KIZ: variants seen among roughly 807,000 people sequenced by gnomAD.
KIZ encodes kizuna centrosomal protein.
In KIZ, 68 loss-of-function variants were observed where a neutral mutation model predicts 79.6. The observed-to-expected ratio is 0.85, with a 90% CI of 0.70 to 1.05. The LOEUF (loss-of-function observed/expected upper bound fraction) is 1.05. Ranked by LOEUF, KIZ falls within the 50% of genes least tolerant of loss-of-function variation. The pLI is 0.00. For missense variants in KIZ, 797 were observed against 800.4 expected (o/e 1.00, Z 0.05); for synonymous variants, 280 against 281.8 (o/e 0.99, Z 0.06).
intron 1 of KIZ, among the ~76,000 whole-genome samples, chr20:21,128,815 G>A (rs1362848390): frequency 6.6e-6 from 1 of 152,172 alleles, no homozygotes; most frequent in African/African-American, 2.4e-5. Context: ...TTGATTCAGA[G>A]TAAGATATCA....
At chr20:21,134,660 G>GT (rs537989513) in intron 2 of KIZ, among the ~76,000 whole-genome samples, 1,694 of 130,468 alleles carry the variant, frequency 0.013, 13 homozygotes, top group African/African-American at 0.029. Context: ...CATCTTTCAG[G>GT]TTTTTTTTTT....
At chr20:21,190,382 G>A (rs761520995) in intron 6 of KIZ, among the ~76,000 whole-genome samples, 1 of 152,182 alleles carries the variant, frequency 6.6e-6, no homozygotes, top group African/African-American at 2.4e-5. Context: ...AAGGATTAGC[G>A]CTAGCCAATT....
chr20:21,144,401 T>A (rs1387685535), intron 3 of KIZ, among the ~76,000 whole-genome samples: 2 of 152,340 alleles, frequency 1.3e-5, no homozygotes, highest in Middle Eastern at 6.8e-3. Flanking sequence ...CTCTTGGGGC[T>A]AAAATGTAAA....
intron 12 of KIZ, 62 bp downstream of exon 12, chr20:21,244,350 A>T (rs1458209539): frequency 8.2e-7 from 1 of 1,212,482 alleles, no homozygotes; most frequent in Non-Finnish European, 1.2e-6. Context: ...ACTCTGTGAC[A>T]TGCATTTGTT....
At chr20:21,130,514 A>G (rs2031775435) in intron 1 of KIZ, among the ~76,000 whole-genome samples, 1 of 152,232 alleles carries the variant, frequency 6.6e-6, no homozygotes, top group Admixed American at 6.5e-5. Context: ...CTAATGTGGA[A>G]GCAATTATGC....
intron 1 of KIZ, among the ~76,000 whole-genome samples, chr20:21,131,569 A>C (rs969826648): frequency 3.3e-5 from 5 of 152,208 alleles, no homozygotes; most frequent in African/African-American, 1.2e-4. Context: ...GGACCCCATC[A>C]CCGAAATGCC....
intron 11 of KIZ, among the ~76,000 whole-genome samples, chr20:21,241,996 A>G (rs2037234914): frequency 1.3e-5 from 2 of 152,194 alleles, no homozygotes; most frequent in South Asian, 4.1e-4. Context: ...TATTGATCAA[A>G]TGCCTTTAAG....
chr20:21,129,819 C>T (rs62218926), intron 1 of KIZ, among the ~76,000 whole-genome samples: 7,681 of 152,168 alleles, frequency 0.05, 300 homozygotes, highest in Non-Finnish European at 0.074. Context: ...ACAAAGACCT[C>T]CAGTGTTCCT....
At chr20:21,236,471 A>T (rs1460357575) in intron 11 of KIZ, among the ~76,000 whole-genome samples, 1 of 152,216 alleles carries the variant, frequency 6.6e-6, no homozygotes, top group African/African-American at 2.4e-5. Flanking sequence ...GAGTCTAAAG[A>T]CTATGTCTTA....
intron 8 of KIZ, 47 bp downstream of exon 8, chr20:21,214,747 TC>T: frequency 7.9e-7 from 1 of 1,261,752 alleles, no homozygotes; most frequent in Non-Finnish European, 1.2e-6. Context: ...GCATTCAGGG[TC>T]ATCATCATCT....
intron 11 of KIZ, among the ~76,000 whole-genome samples, chr20:21,240,799 G>A (rs1176476222): frequency 9.2e-5 from 14 of 152,256 alleles, no homozygotes; most frequent in Admixed American, 9.2e-4. Context: ...AAAGGTATAT[G>A]AAATTCAAAT....
chr20:21,162,586 T>C, intron 5 of KIZ, 79 bp downstream of exon 5: 1 of 1,069,786 alleles, frequency 9.3e-7, no homozygotes, highest in Non-Finnish European at 1.3e-6. Context: ...ATACTAATTA[T>C]CTCTCTTTCA....
intron 4 of KIZ, among the ~76,000 whole-genome samples, chr20:21,146,026 AC>A (rs2032827575): frequency 6.6e-6 from 1 of 152,244 alleles, no homozygotes; most frequent in Non-Finnish European, 1.5e-5. Flanking sequence ...ATAATTTTGT[AC>A]ATTTTAACCT....
chr20:21,231,304 A>G (rs1267972727), intron 10 of KIZ, among the ~76,000 whole-genome samples: 4 of 152,206 alleles, frequency 2.6e-5, no homozygotes, highest in African/African-American at 9.6e-5. Context: ...AGCCTGGGTG[A>G]CAGGGCCAGA....
chr20:21,227,359 C>T (rs564401735), intron 9 of KIZ, among the ~76,000 whole-genome samples: 2 of 152,260 alleles, frequency 1.3e-5, no homozygotes, highest in Middle Eastern at 3.4e-3. Flanking sequence ...CTCCAGCTTC[C>T]AGTGGCCAGG....
At chr20:21,205,949 C>CAA (rs113459299) in intron 7 of KIZ, among the ~76,000 whole-genome samples, 15 of 123,768 alleles carry the variant, frequency 1.2e-4, no homozygotes, top group Non-Finnish European at 1.7e-4. Flanking sequence ...GACACCATCT[C>CAA]AAAAAAAAAA....
chr20:21,237,501 G>A (rs915145095), intron 11 of KIZ, among the ~76,000 whole-genome samples: 2 of 151,954 alleles, frequency 1.3e-5, no homozygotes, highest in African/African-American at 4.8e-5. Flanking sequence ...TCAAGCACGG[G>A]TAGTCTGCAC....
At chr20:21,185,666 C>T (rs953634656) in intron 6 of KIZ, among the ~76,000 whole-genome samples, 3 of 151,594 alleles carry the variant, frequency 2.0e-5, no homozygotes, top group African/African-American at 7.3e-5. Flanking sequence ...CCACCTTAGC[C>T]TCCCAAAGTG....
intron 9 of KIZ, among the ~76,000 whole-genome samples, chr20:21,221,275 G>T (rs896637396): frequency 6.6e-6 from 1 of 152,208 alleles, no homozygotes; most frequent in Non-Finnish European, 1.5e-5. Flanking sequence ...TATGCTAAAT[G>T]TCATAAAAAT....
Sources: allele counts gnomAD v4.1 joint callset (sites outside exome capture counted in the v4.1 genomes callset), GRCh38; gene constraint gnomAD v4.1.1; transcripts MANE v1.5; gene names NCBI Gene and HGNC (gene_info 2026-07-23, HGNC 2026-07-21).